The following NKAIN3 variants were observed in gnomAD, a reference collection of about 807,000 sequenced individuals.
NKAIN3 encodes the protein sodium/potassium transporting ATPase interacting 3, also known as sodium/potassium-transporting ATPase subunit beta-1-interacting protein 3.
Under a neutral mutation model 30.2 loss-of-function variants are expected in NKAIN3, and 25 were observed. That is an observed-to-expected ratio of 0.83 (90% CI 0.60 to 1.16). The LOEUF is 1.16. NKAIN3 is among the 50% of genes most tolerant of loss of function. The probability of loss-of-function intolerance (pLI) is 0.00; values close to 1 mark genes in which losing one functional copy is unlikely to be tolerated. For missense variants in NKAIN3, 225 were observed against 254.1 expected, an observed-to-expected ratio of 0.89 and a Z score of 0.78; for synonymous variants, 91 against 89.6, an observed-to-expected ratio of 1.02 and a Z score of -0.09.
chr8:62,767,254 T>A (rs1254307152), intron 4 of NKAIN3, among the ~76,000 whole-genome samples: 20 of 152,134 alleles, frequency 1.3e-4, no homozygotes. Flanking sequence ...GATCTAATAG[T>A]TGGCTTAGGA....
intron 4 of NKAIN3, among the ~76,000 whole-genome samples, chr8:62,767,341 T>TC: frequency 6.6e-6 from 1 of 152,076 alleles, no homozygotes; most frequent in East Asian, 1.9e-4. Context: ...AATTCTCACC[T>TC]CCCCTCCAAG....
intron 3 of NKAIN3, among the ~76,000 whole-genome samples, chr8:62,598,936 A>G (rs1349964803): frequency 6.6e-6 from 1 of 152,028 alleles, no homozygotes; most frequent in East Asian, 1.9e-4. Context: ...AGCTGGATCA[A>G]CATCTGCCTC....
At position 62,901,017 on chromosome 8, in the gene NKAIN3, A is replaced by G. The variant is rs566759372; in HGVS notation, c.472-17436A>G. Among the ~76,000 whole-genome samples, 131 of 152,248 alleles carry G rather than the reference A, an allele frequency of 8.6e-4. 1 individual carries two copies. The highest frequency in any genetic ancestry group is 1.4e-3 in the Admixed American group (22 of 15,286). ...ACCCCTTGAATCCCTGCCACCCAAG[A>G]ACAGTAATGGTCCTGAGAATAGAGG... On this transcript the variant is annotated intron_variant, in intron 4 of 6. Coordinates refer to ENST00000623646, the MANE Select transcript of NKAIN3 (RefSeq NM_001304533.3).
chr8:62,294,407 A>T (rs1281679768), intron 1 of NKAIN3, among the ~76,000 whole-genome samples: 2 of 152,212 alleles, frequency 1.3e-5, no homozygotes, highest in Non-Finnish European at 2.9e-5. Context: ...ATTGATTTGA[A>T]AAACTTTGAT....
At chr8:62,803,852 T>C (rs1477552923) in intron 4 of NKAIN3, among the ~76,000 whole-genome samples, 1 of 151,920 alleles carries the variant, frequency 6.6e-6, no homozygotes, top group Non-Finnish European at 1.5e-5. Flanking sequence ...ATCAACAAAA[T>C]TGATAGACTG....
chr8:62,605,475 A>G (rs1811096281), intron 3 of NKAIN3, among the ~76,000 whole-genome samples: 1 of 151,884 alleles, frequency 6.6e-6, no homozygotes, highest in African/African-American at 2.4e-5. Context: ...TCAAAGCACT[A>G]TACCAGGAAC....
At chr8:62,529,453 A>C (rs529980798) in intron 1 of NKAIN3, among the ~76,000 whole-genome samples, 50 of 152,266 alleles carry the variant, frequency 3.3e-4, no homozygotes, top group Non-Finnish European at 5.0e-4. Context: ...GATAGTGCTA[A>C]GGGAGCAGGC....
At chr8:62,850,290 T>G (rs979724792) in intron 4 of NKAIN3, among the ~76,000 whole-genome samples, 1 of 152,140 alleles carries the variant, frequency 6.6e-6, no homozygotes, top group African/African-American at 2.4e-5. Context: ...TCACCCACTT[T>G]TTGATGGGGT....
At chr8:62,931,175 T>C (rs755852580) in intron 5 of NKAIN3, among the ~76,000 whole-genome samples, 8 of 152,230 alleles carry the variant, frequency 5.3e-5, no homozygotes, top group Non-Finnish European at 1.2e-4. Context: ...CGCTGGTTTT[T>C]AAGCTAATCC....
At chr8:62,705,078 C>A (rs1338123230) in intron 3 of NKAIN3, among the ~76,000 whole-genome samples, 1 of 152,100 alleles carries the variant, frequency 6.6e-6, no homozygotes, top group African/African-American at 2.4e-5. Flanking sequence ...CTTTAAGAAT[C>A]TCCCATTTTT....
At position 62,400,098 on chromosome 8, in the gene NKAIN3, A is replaced by G. The variant is rs907648118; in HGVS notation, c.54+150971A>G. Among the ~76,000 whole-genome samples, 50 of 152,124 alleles carry G rather than the reference A, an allele frequency of 3.3e-4. No individual in the cohort carries two copies. In the Middle Eastern group the frequency reaches 0.01, roughly 31 times the overall value. ...TTTTGTTTATTCAGTAGTGAAGGGA[A>G]AACAAGAGATCACAATTCAGGCTAG... On this transcript the variant is annotated intron_variant, in intron 1 of 6. Transcript: ENST00000623646.
In NKAIN3 at chr8:62,984,872, C is replaced by G. The variant is rs1006194270; in HGVS notation, c.*19465C>G. The G allele has an allele frequency of 4.9e-4, 74 of 152,228 alleles. 1 individual carries two copies. Among genetic ancestry groups the G allele is most frequent in the Middle Eastern group, 3.4e-3 (1 of 292 alleles). 9.4% of individuals were successfully genotyped at this position (152,228 alleles called of 1,614,324 possible). ...GTTAGCAGTAATAGACTATTCTTTT[C>G]AACTATGAATAAAAATGTACACTGA... On this transcript the variant is annotated 3_prime_UTR_variant, in exon 7 of 7. Coordinates refer to ENST00000623646, the MANE Select transcript of NKAIN3 (RefSeq NM_001304533.3).
intron 4 of NKAIN3, among the ~76,000 whole-genome samples, chr8:62,901,268 C>T (rs1329667879): frequency 6.6e-6 from 1 of 152,090 alleles, no homozygotes; most frequent in Non-Finnish European, 1.5e-5. Flanking sequence ...TCCTTGGTTA[C>T]ACAATGGGCT....
chr8:62,665,685 T>G (rs1813076908), intron 3 of NKAIN3, among the ~76,000 whole-genome samples: 1 of 152,138 alleles, frequency 6.6e-6, no homozygotes, highest in Non-Finnish European at 1.5e-5. Context: ...CTTCCCAGTA[T>G]AGGAATGGCT....
At chr8:62,312,032 T>A (rs1814455813) in intron 1 of NKAIN3, among the ~76,000 whole-genome samples, 1 of 150,300 alleles carries the variant, frequency 6.7e-6, no homozygotes, top group African/African-American at 2.5e-5. Flanking sequence ...AGGTAAATTG[T>A]TTCTAAGAAG....
chr8:62,833,609 C>A (rs749858309), intron 4 of NKAIN3, among the ~76,000 whole-genome samples: 1 of 151,964 alleles, frequency 6.6e-6, no homozygotes, highest in Non-Finnish European at 1.5e-5. Context: ...AACAAAACAA[C>A]CTCCCAAGAT....
chr8:62,555,431 G>A (rs143983592), intron 1 of NKAIN3, among the ~76,000 whole-genome samples: 17 of 152,058 alleles, frequency 1.1e-4, no homozygotes, highest in African/African-American at 3.4e-4. Flanking sequence ...CTAAGATATA[G>A]TATTTTTTAA....
intron 3 of NKAIN3, among the ~76,000 whole-genome samples, chr8:62,732,683 T>C (rs868295500): frequency 2.0e-5 from 3 of 152,272 alleles, no homozygotes; most frequent in Middle Eastern, 3.4e-3. Flanking sequence ...TTGTTTCCTA[T>C]GTATTGACAC....
chr8:62,415,150 A>T (rs1804395785), intron 1 of NKAIN3, among the ~76,000 whole-genome samples: 1 of 141,794 alleles, frequency 7.1e-6, no homozygotes, highest in Non-Finnish European at 1.5e-5. Flanking sequence ...TATGTATTAT[A>T]TACTATAGTA....
Sources: allele counts gnomAD v4.1 joint callset (sites outside exome capture counted in the v4.1 genomes callset), GRCh38; gene constraint gnomAD v4.1.1; transcripts MANE v1.5; gene names NCBI Gene and HGNC (gene_info 2026-07-23, HGNC 2026-07-21).